Variants in MS4A3 observed in about 807,000 individuals in gnomAD.
MS4A3 encodes the protein membrane spanning 4-domains A3.
A neutral mutation model predicts 24.7 loss-of-function variants in MS4A3; 18 were observed. The ratio of observed to expected loss-of-function variants is 0.73; its 90% CI spans 0.50 to 1.08. The LOEUF (loss-of-function observed/expected upper bound fraction) is 1.08. Among genes scored for constraint, MS4A3 ranks in the 50% least tolerant of loss-of-function variants. The pLI is 0.00. For synonymous variants in MS4A3, 84 were observed against 95.3 expected, an observed-to-expected ratio of 0.88 and a Z score of 0.69; for missense variants, 282 against 251.7, an observed-to-expected ratio of 1.12 and a Z score of -0.82.
intron 5 of MS4A3, 61 bp downstream of exon 5, chr11:60,067,173 A>G: frequency 7.5e-7 from 1 of 1,334,380 alleles, no homozygotes; most frequent in Non-Finnish European, 1.0e-6. Context: ...GATGTACAGA[A>G]AAATAATATA....
At chr11:60,062,322 A>T (rs1003672469) in intron 2 of MS4A3, 146 bp from the exon 3 acceptor site, 16 of 947,826 alleles carry the variant, frequency 1.7e-5, no homozygotes, top group Non-Finnish European at 2.5e-5. Context: ...ACTCTTTCAG[A>T]TAAGCTCTCG....
chr11:60,066,196 C>T (rs1855358527), intron 4 of MS4A3, among the ~76,000 whole-genome samples: 2 of 152,134 alleles, frequency 1.3e-5, no homozygotes, highest in Admixed American at 1.3e-4. Context: ...CCAGTTTTGA[C>T]CTTTTCTTAT....
intron 1 of MS4A3, among the ~76,000 whole-genome samples, chr11:60,059,104 G>A (rs907557666): frequency 2.0e-5 from 3 of 152,082 alleles, no homozygotes; most frequent in Non-Finnish European, 4.4e-5. Context: ...AAAATTTTAT[G>A]ACATTTATAA....
intron 3 of MS4A3, 77 bp from the exon 4 acceptor site, chr11:60,064,184 CT>C: frequency 9.6e-7 from 1 of 1,042,984 alleles, no homozygotes; most frequent in Non-Finnish European, 1.4e-6. Flanking sequence ...TGGATATCTG[CT>C]AATTGAGGGA....
At chr11:60,057,095 A>G (rs1260170378) in intron 1 of MS4A3, among the ~76,000 whole-genome samples, 1 of 152,168 alleles carries the variant, frequency 6.6e-6, no homozygotes, top group Non-Finnish European at 1.5e-5. Context: ...GGGGTCTGCA[A>G]AGTGCATTTT....
rs541102822 is a variant in MS4A3 at position 60,070,351 on chromosome 11, T to C, written c.*118T>C. 43 of 777,676 alleles carry C rather than the reference T, an allele frequency of 5.5e-5. No homozygotes were observed. In the African/African-American group the frequency reaches 6.5e-4, roughly 12 times the overall value. The allele number at this position is 777,676 out of a possible 1,614,324, so 48.2% of individuals were successfully genotyped here. ...GCCTGCTCGTAAAGCTCAATCCTTC[T>C]ATCATGGCACCAATCACAAGAACCT... On this transcript the variant is annotated 3_prime_UTR_variant, in exon 7 of 7. Transcript: ENST00000278865.
chr11:60,067,507 G>A (rs1855384949), intron 5 of MS4A3, among the ~76,000 whole-genome samples: 3 of 151,938 alleles, frequency 2.0e-5, no homozygotes, highest in African/African-American at 4.8e-5. Context: ...GAGCCACCGC[G>A]CCCATCCCAT....
intron 3 of MS4A3, 116 bp downstream of exon 3, chr11:60,062,721 G>A (rs1855296787): frequency 4.5e-6 from 5 of 1,103,514 alleles, no homozygotes; most frequent in African/African-American, 1.6e-5. Flanking sequence ...CTGTGGTTTT[G>A]ATTTGCAATT....
chr11:60,065,833 T>G (rs1055981990), intron 4 of MS4A3, among the ~76,000 whole-genome samples: 1 of 152,228 alleles, frequency 6.6e-6, no homozygotes, highest in Non-Finnish European at 1.5e-5. Flanking sequence ...TTTAATGTTC[T>G]GGTGCCCCAG....
chr11:60,058,234 G>A (rs1590610171), intron 1 of MS4A3, among the ~76,000 whole-genome samples: 1 of 151,880 alleles, frequency 6.6e-6, no homozygotes, highest in Non-Finnish European at 1.5e-5. Flanking sequence ...AGGGCCGGGC[G>A]CATTGATTCA....
rs1855373575 is a variant in MS4A3 at position 60,067,066 on chromosome 11, C to T, written c.467C>T (p.Ser156Leu). Residue 156 changes from serine (S) to leucine (L), a missense_variant, in exon 5 of 7, where the codon TCA becomes TTA. Physicochemically the swap from Ser to Leu is moderately radical, Grantham distance 145. Coordinates refer to ENST00000278865, the MANE Select transcript of MS4A3 (RefSeq NM_006138.5). ...NIQSLRSCHSSSESPDLCNYM... is the reference protein window; with the variant it reads ...NIQSLRSCHSLSESPDLCNYM... ...CAGTCATTAAGGAGTTGTCACTCTT[C>T]ATCAGAGTCACCGGACCTATGCAAT... The T allele has an allele frequency of 4.3e-6, 7 of 1,612,898 alleles. No individual in the cohort carries two copies. Among genetic ancestry groups the T allele is most frequent in the Non-Finnish European group, 4.2e-6 (5 of 1,179,654 alleles).
At chr11:60,068,555 C>A (rs1361153787) in intron 5 of MS4A3, among the ~76,000 whole-genome samples, 1 of 151,834 alleles carries the variant, frequency 6.6e-6, no homozygotes, top group East Asian at 1.9e-4. Context: ...CCCAGCCAAC[C>A]TTACCAATTT....
chr11:60,059,382 ATACTT>A (rs1855233940), intron 1 of MS4A3, among the ~76,000 whole-genome samples: 1 of 152,162 alleles, frequency 6.6e-6, no homozygotes, highest in Admixed American at 6.5e-5. Context: ...TTAAGATACT[ATACTT>A]TCTTTTTCAA....
At chr11:60,062,665 G>A in intron 3 of MS4A3, 60 bp downstream of exon 3, 2 of 1,581,416 alleles carry the variant, frequency 1.3e-6, no homozygotes, top group South Asian at 2.3e-5. Context: ...CTGGAGATGT[G>A]TTTGATGACA....
At chr11:60,060,577 T>A (rs1855255803) in intron 1 of MS4A3, among the ~76,000 whole-genome samples, 1 of 152,144 alleles carries the variant, frequency 6.6e-6, no homozygotes, top group African/African-American at 2.4e-5. Context: ...TTTAGTAAAA[T>A]CTGAAATGAT....
chr11:60,065,372 C>T (rs149239279), intron 4 of MS4A3, among the ~76,000 whole-genome samples: 35 of 152,086 alleles, frequency 2.3e-4, no homozygotes, highest in Middle Eastern at 6.8e-3. Context: ...ATGTAAACAT[C>T]CAGTTACTGT....
At chr11:60,062,986 C>CAGGG (rs1855301969) in intron 3 of MS4A3, among the ~76,000 whole-genome samples, 1 of 151,930 alleles carries the variant, frequency 6.6e-6, no homozygotes, top group African/African-American at 2.4e-5. Context: ...TTAGTAGAGA[C>CAGGG]AGGGATTCAC....
intron 1 of MS4A3, among the ~76,000 whole-genome samples, chr11:60,057,646 C>T (rs1855193808): frequency 6.6e-6 from 1 of 152,124 alleles, no homozygotes; most frequent in Non-Finnish European, 1.5e-5. Flanking sequence ...CCTTGAGATC[C>T]TCCCGCCTCT....
At chr11:60,068,420 T>G (rs1046825624) in intron 5 of MS4A3, among the ~76,000 whole-genome samples, 1 of 149,778 alleles carries the variant, frequency 6.7e-6, no homozygotes, top group Non-Finnish European at 1.5e-5. Flanking sequence ...TTTTTTTTTT[T>G]TTTTTGTATT....
Sources: allele counts gnomAD v4.1 joint callset (sites outside exome capture counted in the v4.1 genomes callset), GRCh38; gene constraint gnomAD v4.1.1; transcripts MANE v1.5; gene names NCBI Gene and HGNC (gene_info 2026-07-23, HGNC 2026-07-21).